The following SNTG2 variants were observed in gnomAD, a reference collection of about 807,000 sequenced individuals.
The protein encoded by SNTG2 is gamma-2-syntrophin.
Under a neutral mutation model 70.9 loss-of-function variants are expected in SNTG2, and 74 were observed. That is an observed-to-expected ratio of 1.04 (90% CI 0.86 to 1.27). SNTG2 has a LOEUF of 1.27. SNTG2 is among the 50% of genes most tolerant of loss of function. The pLI, the probability that SNTG2 is intolerant of heterozygous loss-of-function variation, is 0.00. For synonymous variants in SNTG2, 278 were observed against 273.8 expected (o/e 1.02, Z -0.15); for missense variants, 717 against 690.7 (o/e 1.04, Z -0.43).
intron 1 of SNTG2, among the ~76,000 whole-genome samples, chr2:1,022,571 C>T (rs1287327017): frequency 6.6e-6 from 1 of 152,064 alleles, no homozygotes; most frequent in Non-Finnish European, 1.5e-5. Context: ...CCCTGAGTTC[C>T]TGTGATTCCG....
chr2:1,058,266 C>G (rs1017803886), intron 1 of SNTG2, among the ~76,000 whole-genome samples: 1 of 151,952 alleles, frequency 6.6e-6, no homozygotes, highest in Non-Finnish European at 1.5e-5. Context: ...AGGGTAGTGT[C>G]TCTGTCTTGT....
chr2:1,362,538 CCAA>C lies in SNTG2; in HGVS notation c.1489-4804_1489-4802del, dbSNP rs1426465248. Among the ~76,000 whole-genome samples, 667 of 152,016 alleles carry C rather than the reference CCAA, an allele frequency of 4.4e-3. 17 individuals carry two copies. The highest frequency in any genetic ancestry group is 6.8e-3 in the Non-Finnish European group (463 of 67,960). ...TTCAGTAGAACTTCCGTGAAAGTCA[CCAA>C]TGCTGAGCATTTCAATAGAACTTCC... On this transcript the variant is annotated intron_variant, in intron 16 of 16. Transcript: ENST00000308624.
chr2:988,956 T>C (rs1405851203), intron 1 of SNTG2, among the ~76,000 whole-genome samples: 2 of 152,230 alleles, frequency 1.3e-5, no homozygotes, highest in African/African-American at 2.4e-5. Flanking sequence ...CTTGCACATA[T>C]TTTGTTAAGT....
intron 1 of SNTG2, among the ~76,000 whole-genome samples, chr2:984,888 T>C (rs1381732324): frequency 6.6e-6 from 1 of 152,222 alleles, no homozygotes; most frequent in Non-Finnish European, 1.5e-5. Flanking sequence ...GTAGAAGTTT[T>C]ATTATCAATC....
At chr2:1,309,909 G>A (rs1680896292) in intron 15 of SNTG2, among the ~76,000 whole-genome samples, 1 of 152,188 alleles carries the variant, frequency 6.6e-6, no homozygotes, top group African/African-American at 2.4e-5. Context: ...CTGCCATATG[G>A]ACCTGCTGGT....
intron 1 of SNTG2, among the ~76,000 whole-genome samples, chr2:1,009,160 C>T (rs544929328): frequency 7.5e-6 from 1 of 133,940 alleles, no homozygotes; most frequent in African/African-American, 2.6e-5. Flanking sequence ...CACCTGTGTC[C>T]CCGGGAAGAC....
chr2:989,442 T>G (rs1661425471), intron 1 of SNTG2, among the ~76,000 whole-genome samples: 1 of 152,358 alleles, frequency 6.6e-6, no homozygotes, highest in East Asian at 1.9e-4. Context: ...AGTGGAAAAC[T>G]TACTTTGCAT....
At chr2:978,475 A>G (rs1239307118) in intron 1 of SNTG2, among the ~76,000 whole-genome samples, 1 of 152,208 alleles carries the variant, frequency 6.6e-6, no homozygotes, top group Non-Finnish European at 1.5e-5. Context: ...TTAAATAAAA[A>G]GGAATTTTGG....
chr2:1,200,566 A>C (rs2147966764), intron 8 of SNTG2, among the ~76,000 whole-genome samples: 1 of 152,178 alleles, frequency 6.6e-6, no homozygotes, highest in East Asian at 1.9e-4. Flanking sequence ...CAAAGGAATA[A>C]TCAACAGAGT....
intron 7 of SNTG2, among the ~76,000 whole-genome samples, chr2:1,167,256 CCAA>C (rs771233232): frequency 1.3e-5 from 2 of 149,924 alleles, no homozygotes; most frequent in East Asian, 2.0e-4. Context: ...AGAACTGAAA[CCAA>C]CAAGCCGCCC....
chr2:1,012,907 G>T (rs34099932), intron 1 of SNTG2, among the ~76,000 whole-genome samples: 2 of 54,500 alleles, frequency 3.7e-5, no homozygotes, highest in African/African-American at 1.3e-4. Context: ...GGGTGGTCTG[G>T]AGAAGGATTT....
At chr2:1,124,305 A>ATTTTTTTTTTTTTTTTTTTTTTTTTTTT (rs763685919) in intron 4 of SNTG2, among the ~76,000 whole-genome samples, 1 of 147,436 alleles carries the variant, frequency 6.8e-6, no homozygotes. Flanking sequence ...TCTTTTTTTA[A>ATTTTTTTTTTTTTTTTTTTTTTTTTTTT]TTTTTCTCAG....
chr2:998,595 C>G (rs1181860847), intron 1 of SNTG2, among the ~76,000 whole-genome samples: 2 of 151,102 alleles, frequency 1.3e-5, no homozygotes, highest in African/African-American at 4.9e-5. Flanking sequence ...CAAATTAACT[C>G]AAGCATAAAA....
chr2:1,189,751 G>A lies in SNTG2; in HGVS notation c.591+16568G>A, dbSNP rs1002318193. On this transcript the variant is annotated intron_variant, in intron 8 of 16. Coordinates refer to ENST00000308624, the MANE Select transcript of SNTG2 (RefSeq NM_018968.4). Reference sequence around the variant, plus strand: ...TTTAGTAGAGACGGGGTTTCACCATGTTGGCCAGAATGGTCTCAATCTCTT... The same window carrying A: ...TTTAGTAGAGACGGGGTTTCACCATATTGGCCAGAATGGTCTCAATCTCTT... Among the ~76,000 whole-genome samples the A allele has an allele frequency of 8.5e-5, 12 of 141,852 alleles. 1 individual carries two copies. The East Asian group carries it at 1.7e-3, about 20-fold the overall frequency. 93.1% of individuals were successfully genotyped at this position (141,852 alleles called of 152,430 possible). A position where few individuals can be genotyped will look rare whatever the true frequency, so the allele number is the denominator to read the frequency against.
intron 9 of SNTG2, among the ~76,000 whole-genome samples, chr2:1,225,556 G>A (rs936497362): frequency 6.6e-6 from 1 of 152,128 alleles, no homozygotes; most frequent in Non-Finnish European, 1.5e-5. Context: ...TACTGCTTTT[G>A]TGGTTCTGTA....
intron 16 of SNTG2, among the ~76,000 whole-genome samples, chr2:1,336,523 A>C (rs915448421): frequency 1.3e-5 from 2 of 152,212 alleles, no homozygotes; most frequent in Non-Finnish European, 2.9e-5. Flanking sequence ...CATATCCAAA[A>C]CATCATTGCC....
intron 6 of SNTG2, among the ~76,000 whole-genome samples, chr2:1,150,492 G>C (rs1316604699): frequency 6.6e-6 from 1 of 152,184 alleles, no homozygotes; most frequent in Non-Finnish European, 1.5e-5. Context: ...AGCCCAGAGG[G>C]TCTTCCCTGG....
intron 1 of SNTG2, among the ~76,000 whole-genome samples, chr2:1,041,288 G>C (rs892606112): frequency 6.6e-5 from 10 of 152,182 alleles, no homozygotes; most frequent in Non-Finnish European, 1.5e-4. Context: ...AGGAAACTTT[G>C]CTAAGCCCCA....
At chr2:1,084,386 C>T (rs545397807) in intron 2 of SNTG2, among the ~76,000 whole-genome samples, 3 of 152,324 alleles carry the variant, frequency 2.0e-5, no homozygotes, top group South Asian at 4.1e-4. Context: ...TGATGTGTAT[C>T]GTGTACAAGT....
Sources: allele counts gnomAD v4.1 joint callset (sites outside exome capture counted in the v4.1 genomes callset), GRCh38; gene constraint gnomAD v4.1.1; transcripts MANE v1.5; gene names NCBI Gene and HGNC (gene_info 2026-07-23, HGNC 2026-07-21).